CSMD1: variants seen among roughly 807,000 people sequenced by gnomAD.
The protein encoded by CSMD1 is CUB and sushi domain-containing protein 1.
CSMD1 carries 213 observed loss-of-function variants against 417.5 expected under a neutral mutation model. That is an observed-to-expected ratio of 0.51 (90% CI 0.46 to 0.57). The LOEUF (loss-of-function observed/expected upper bound fraction) is 0.57, where lower values mean the gene tolerates loss of function less well. Among genes scored for constraint, CSMD1 ranks in the 20% least tolerant of loss-of-function variants. The pLI, the probability that CSMD1 is intolerant of heterozygous loss-of-function variation, is 0.00. For missense variants in CSMD1, 6,923 were observed against 4,529.7 expected, an observed-to-expected ratio of 1.53 and a Z score of -15.17; for synonymous variants, 2,862 against 1,736.8, an observed-to-expected ratio of 1.65 and a Z score of -16.11.
intron 2 of CSMD1, among the ~76,000 whole-genome samples, chr8:4,636,213 T>C (rs1585369345): frequency 6.6e-6 from 1 of 152,242 alleles, no homozygotes; most frequent in South Asian, 2.1e-4. Flanking sequence ...GTTAGGAAAA[T>C]CTGATTTCTT....
chr8:3,926,917 T>C (rs1243629508), intron 5 of CSMD1, among the ~76,000 whole-genome samples: 1 of 151,756 alleles, frequency 6.6e-6, no homozygotes, highest in African/African-American at 2.4e-5. Flanking sequence ...GGTTTCACCA[T>C]GTTGGCCAGG....
chr8:4,139,451 C>G (rs1803643108), intron 3 of CSMD1, among the ~76,000 whole-genome samples: 2 of 144,436 alleles, frequency 1.4e-5, no homozygotes. Flanking sequence ...TCTATGCCTG[C>G]CCTGGAGGCG....
intron 12 of CSMD1, among the ~76,000 whole-genome samples, chr8:3,418,984 G>A (rs1030643326): frequency 1.3e-5 from 2 of 152,170 alleles, no homozygotes; most frequent in African/African-American, 4.8e-5. Flanking sequence ...ATTTAGTCCT[G>A]AAAAATCATC....
chr8:3,532,172 A>C (rs929497536), intron 10 of CSMD1, among the ~76,000 whole-genome samples: 4 of 152,046 alleles, frequency 2.6e-5, no homozygotes, highest in African/African-American at 9.7e-5. Context: ...CTCCTATGAA[A>C]TTTCTGCTCT....
At chr8:3,946,483 C>T (rs1160042317) in intron 5 of CSMD1, among the ~76,000 whole-genome samples, 2 of 152,062 alleles carry the variant, frequency 1.3e-5, no homozygotes, top group African/African-American at 4.8e-5. Context: ...CCACTTTGTT[C>T]TTTTTAAATC....
At chr8:4,670,853 G>A (rs1273923324) in intron 1 of CSMD1, among the ~76,000 whole-genome samples, 1 of 152,192 alleles carries the variant, frequency 6.6e-6, no homozygotes, top group Non-Finnish European at 1.5e-5. Context: ...GAACGTGTTT[G>A]TGTTTGGTGG....
At chr8:4,776,222 A>G (rs1460939302) in intron 1 of CSMD1, among the ~76,000 whole-genome samples, 1 of 152,154 alleles carries the variant, frequency 6.6e-6, no homozygotes, top group Non-Finnish European at 1.5e-5. Flanking sequence ...GTATTTTCAC[A>G]AAGGCCTAAA....
chr8:3,927,626 C>T (rs1449970903), intron 5 of CSMD1, among the ~76,000 whole-genome samples: 1 of 152,082 alleles, frequency 6.6e-6, no homozygotes, highest in Non-Finnish European at 1.5e-5. Flanking sequence ...CATCACGCCA[C>T]TGAACTCCAC....
intron 11 of CSMD1, among the ~76,000 whole-genome samples, chr8:3,487,496 C>A (rs567548189): frequency 6.6e-6 from 1 of 152,182 alleles, no homozygotes; most frequent in African/African-American, 2.4e-5. Context: ...CCACCATGCC[C>A]GGCCTATCAG....
At chr8:4,268,081 T>C (rs1368595552) in intron 3 of CSMD1, among the ~76,000 whole-genome samples, 6 of 152,218 alleles carry the variant, frequency 3.9e-5, no homozygotes, top group South Asian at 4.1e-4. Flanking sequence ...AATCCACAAA[T>C]TGAAACATTG....
chr8:4,477,066 T>G (rs1800840323), intron 2 of CSMD1, among the ~76,000 whole-genome samples: 1 of 152,196 alleles, frequency 6.6e-6, no homozygotes, highest in Non-Finnish European at 1.5e-5. Context: ...CTTGCAGCTG[T>G]GTCAGGGAGA....
intron 7 of CSMD1, among the ~76,000 whole-genome samples, chr8:3,657,133 T>G (rs961250107): frequency 6.6e-6 from 1 of 152,024 alleles, no homozygotes; most frequent in Non-Finnish European, 1.5e-5. Context: ...GCATCATCTG[T>G]CCCTAGCATT....
chr8:4,178,069 A>G (rs1445118920), intron 3 of CSMD1, among the ~76,000 whole-genome samples: 1 of 152,206 alleles, frequency 6.6e-6, no homozygotes, highest in African/African-American at 2.4e-5. Flanking sequence ...CACCCTCACT[A>G]ACTCATTTTA....
chr8:4,758,728 G>C (rs1023207901), intron 1 of CSMD1, among the ~76,000 whole-genome samples: 5 of 152,142 alleles, frequency 3.3e-5, no homozygotes, highest in Non-Finnish European at 7.4e-5. Context: ...AAAAGCCCAG[G>C]GGAAACTGCC....
intron 5 of CSMD1, among the ~76,000 whole-genome samples, chr8:3,991,310 G>C (rs928451466): frequency 1.3e-5 from 2 of 152,200 alleles, no homozygotes; most frequent in Non-Finnish European, 2.9e-5. Context: ...TTTCAGGGTG[G>C]AGGTACCTAG....
rs11990871 is a variant in CSMD1 at position 3,125,325 on chromosome 8, T to G, written c.6242-6738A>C. Among the ~76,000 whole-genome samples the G allele has an allele frequency of 8.7e-3, 1,323 of 152,314 alleles. 26 individuals are homozygous for G. Among genetic ancestry groups the G allele is most frequent in the African/African-American group, 0.031 (1,277 of 41,576 alleles). On this transcript the variant is annotated intron_variant, in intron 41 of 69. Coordinates refer to ENST00000635120, the MANE Select transcript of CSMD1 (RefSeq NM_033225.6). ...ATCACAGTGCCAGGCCACACAGGTG[T>G]GAGAGGGCGAAGGAGGCGTCAATCT...
At chr8:4,078,933 ATATATATATG>A (rs1457544060) in intron 3 of CSMD1, among the ~76,000 whole-genome samples, 2,743 of 25,006 alleles carry the variant, frequency 0.11, 61 homozygotes, top group Non-Finnish European at 0.16. Context: ...ATATATATAT[ATATATATATG>A]TATGTTGAAA....
chr8:4,174,543 A>G (rs1797935533), intron 3 of CSMD1, among the ~76,000 whole-genome samples: 1 of 150,986 alleles, frequency 6.6e-6, no homozygotes, highest in South Asian at 2.1e-4. Context: ...CCACCTCTCA[A>G]AAGAGATGTT....
intron 10 of CSMD1, among the ~76,000 whole-genome samples, chr8:3,519,342 C>T (rs916430106): frequency 6.6e-6 from 1 of 152,164 alleles, no homozygotes; most frequent in Non-Finnish European, 1.5e-5. Context: ...AAAAATTTAT[C>T]TGCAGAAAAA....
Sources: allele counts gnomAD v4.1 joint callset (sites outside exome capture counted in the v4.1 genomes callset), GRCh38; gene constraint gnomAD v4.1.1; transcripts MANE v1.5; gene names NCBI Gene and HGNC (gene_info 2026-07-23, HGNC 2026-07-21).